The following CFAP97 variants were observed in gnomAD, a reference collection of about 807,000 sequenced individuals.
CFAP97 encodes the protein cilia- and flagella-associated protein 97.
In CFAP97, 36 loss-of-function variants were observed where a neutral mutation model predicts 43.1. That is an observed-to-expected ratio of 0.84 (90% CI 0.64 to 1.10). The LOEUF is 1.10. Ranked by LOEUF, CFAP97 falls within the 50% of genes least tolerant of loss-of-function variation. CFAP97 has a pLI of 0.00. For synonymous variants in CFAP97, 228 were observed against 225.7 expected (o/e 1.01, Z -0.09); for missense variants, 657 against 620.3 (o/e 1.06, Z -0.63).
upstream of CFAP97, among the ~76,000 whole-genome samples, chr4:185,206,392 C>T (rs193073212): frequency 6.6e-6 from 1 of 151,986 alleles, no homozygotes; most frequent in East Asian, 1.9e-4. Context: ...AGATGTATGC[C>T]GGGCATGGTG....
At chr4:185,193,419 G>T (rs11132285) in intron 1 of CFAP97, among the ~76,000 whole-genome samples, 5,413 of 152,224 alleles carry the variant, frequency 0.036, 316 homozygotes, top group African/African-American at 0.12. Context: ...GGCAAAGGCG[G>T]GTGGATCACA....
intron 1 of CFAP97, among the ~76,000 whole-genome samples, chr4:185,202,767 T>C (rs892443377): frequency 1.3e-5 from 2 of 152,138 alleles, no homozygotes; most frequent in East Asian, 3.9e-4. Flanking sequence ...CTGTGAGACT[T>C]TTCAGGTTTA....
Position 185,160,741 on chromosome 4 carries a change from T to C in CFAP97, c.*2057A>G, listed in dbSNP as rs569407370. ...GTACAGTTGTTATTTATAAAACTATTGTGTTGTATCCTGACATGTGGCAAC... is the reference window on the plus strand; with the variant it reads ...GTACAGTTGTTATTTATAAAACTATCGTGTTGTATCCTGACATGTGGCAAC... On this transcript the variant is annotated 3_prime_UTR_variant, in exon 5 of 5. Coordinates refer to ENST00000458385, the MANE Select transcript of CFAP97 (RefSeq NM_020827.3). 8 of 151,620 alleles carry C rather than the reference T, an allele frequency of 5.3e-5. No homozygotes were observed. The highest frequency in any genetic ancestry group is 8.8e-5 in the Non-Finnish European group (6 of 67,848). The allele number at this position is 151,620 out of a possible 1,614,324, so 9.4% of individuals were successfully genotyped here.
At chr4:185,175,275 T>C (rs544651861) in intron 3 of CFAP97, among the ~76,000 whole-genome samples, 123 of 152,198 alleles carry the variant, frequency 8.1e-4, no homozygotes, top group African/African-American at 2.9e-3. Context: ...TTCTTCTCTT[T>C]TCTTTTTTTG....
At chr4:185,190,080 T>C (rs1388599582) in intron 2 of CFAP97, 63 bp downstream of exon 2, 8 of 1,293,202 alleles carry the variant, frequency 6.2e-6, no homozygotes, top group Non-Finnish European at 8.4e-6. Context: ...ATTCATAGCA[T>C]TTAATATTTA....
chr4:185,163,720 T>C (rs1734959128), intron 4 of CFAP97, among the ~76,000 whole-genome samples: 1 of 152,192 alleles, frequency 6.6e-6, no homozygotes, highest in Non-Finnish European at 1.5e-5. Flanking sequence ...TTTTAGCAGC[T>C]TTTAAACAGC....
chr4:185,180,014 G>C (rs979812823), intron 2 of CFAP97, among the ~76,000 whole-genome samples: 3 of 152,066 alleles, frequency 2.0e-5, no homozygotes, highest in Non-Finnish European at 4.4e-5. Flanking sequence ...CTCTTTTAGT[G>C]ATGTTCACAT....
chr4:185,163,645 T>C (rs1030752813), intron 4 of CFAP97, among the ~76,000 whole-genome samples: 2 of 151,982 alleles, frequency 1.3e-5, no homozygotes, highest in Admixed American at 6.5e-5. Flanking sequence ...ATCCAGTAAG[T>C]AAGAAAAAGC....
At chr4:185,195,972 T>C (rs894219062) in intron 1 of CFAP97, among the ~76,000 whole-genome samples, 11 of 152,218 alleles carry the variant, frequency 7.2e-5, no homozygotes, top group African/African-American at 2.4e-4. Flanking sequence ...TGGTTGTTGT[T>C]TTTTCCTTTC....
At chr4:185,208,350 G>C (rs960670666), upstream of CFAP97, among the ~76,000 whole-genome samples, 6 of 152,118 alleles carry the variant, frequency 3.9e-5, no homozygotes, top group Non-Finnish European at 8.8e-5. Context: ...AAGGAAACTG[G>C]TAACTTATTT....
chr4:185,174,179 G>A (rs1246848098), intron 3 of CFAP97, among the ~76,000 whole-genome samples: 2 of 152,144 alleles, frequency 1.3e-5, no homozygotes, highest in Admixed American at 1.3e-4. Context: ...TATGCACAAT[G>A]TAATTTCTTA....
intron 2 of CFAP97, among the ~76,000 whole-genome samples, chr4:185,183,849 T>C (rs1735900825): frequency 6.6e-6 from 1 of 152,222 alleles, no homozygotes. Flanking sequence ...TCAGGGGTTC[T>C]TTACTATGCA....
At chr4:185,184,184 A>G (rs958099491) in intron 2 of CFAP97, among the ~76,000 whole-genome samples, 7 of 152,126 alleles carry the variant, frequency 4.6e-5, no homozygotes, top group Admixed American at 2.0e-4. Flanking sequence ...TTTAGCTCTT[A>G]CCTTAGTTTT....
chr4:185,191,003 G>A lies in CFAP97; in HGVS notation c.194C>T (p.Thr65Ile). 6.2e-7 allele frequency: 1 copy of A among 1,613,492 alleles called. No homozygotes were observed. Among genetic ancestry groups the A allele is most frequent in the Non-Finnish European group, 8.5e-7 (1 of 1,179,630 alleles). Residue 65 changes from threonine (T) to isoleucine (I), a missense_variant, in exon 2 of 5, where the codon ACT becomes ATT. Coordinates refer to ENST00000458385, the MANE Select transcript of CFAP97 (RefSeq NM_020827.3). ...CACGTTTCTTTCATTTCCCTTCTCA[G>A]TAAGATAATTTTCTGTTGTTTGCAT... ...TGMQTTENYL[T>I]EKGNERNVKF...
intron 1 of CFAP97, among the ~76,000 whole-genome samples, chr4:185,203,081 T>C (rs1736962348): frequency 6.6e-6 from 1 of 152,034 alleles, no homozygotes; most frequent in African/African-American, 2.4e-5. Context: ...ACGCCTGTAA[T>C]CCCCGGACTT....
chr4:185,162,805 C>A lies in CFAP97; in HGVS notation c.1592G>T (p.Trp531Leu). Residue 531 changes from tryptophan to leucine, a missense_variant, in exon 5 of 5, where the codon TGG (tryptophan) becomes TTG (leucine). Coordinates refer to ENST00000458385, the MANE Select transcript of CFAP97 (RefSeq NM_020827.3). Reference sequence around the variant, plus strand: ...TTAAAGTAAAAAAGTGTTTTATAACCAAGCTGTACGGACATTAGGGGGTTT... The same window carrying A: ...TTAAAGTAAAAAAGTGTTTTATAACAAAGCTGTACGGACATTAGGGGGTTT... ...RPKPPNVRTA[W>L]L is the part of the protein sequence containing the mutation. The A allele has an allele frequency of 1.2e-6, 2 of 1,612,708 alleles. No homozygotes were observed. The highest frequency in any genetic ancestry group is 1.7e-6 in the Non-Finnish European group (2 of 1,179,466).
intron 3 of CFAP97, among the ~76,000 whole-genome samples, chr4:185,175,248 C>T (rs1450925570): frequency 6.6e-6 from 1 of 151,408 alleles, no homozygotes; most frequent in Non-Finnish European, 1.5e-5. Flanking sequence ...TTCTCTCTCT[C>T]TCTCTCTCTC....
intron 3 of CFAP97, among the ~76,000 whole-genome samples, chr4:185,164,879 A>G (rs866987259): frequency 3.3e-5 from 5 of 152,202 alleles, no homozygotes; most frequent in African/African-American, 1.2e-4. Context: ...GCACACACAT[A>G]TGGAAGCTAC....
At chr4:185,167,260 A>G (rs1735107643) in intron 3 of CFAP97, among the ~76,000 whole-genome samples, 1 of 152,154 alleles carries the variant, frequency 6.6e-6, no homozygotes, top group Admixed American at 6.5e-5. Flanking sequence ...TGAGCCCAGG[A>G]GTTCAAGACC....
Sources: allele counts gnomAD v4.1 joint callset (sites outside exome capture counted in the v4.1 genomes callset), GRCh38; gene constraint gnomAD v4.1.1; transcripts MANE v1.5; gene names NCBI Gene and HGNC (gene_info 2026-07-23, HGNC 2026-07-21).